Variants in ZNF804B observed in about 807,000 individuals in gnomAD.
The protein encoded by ZNF804B is zinc finger protein 804B, also known as zinc finger 804B.
ZNF804B carries 80 observed loss-of-function variants against 101.4 expected under a neutral mutation model. The ratio of observed to expected loss-of-function variants is 0.79; its 90% CI spans 0.66 to 0.95. ZNF804B has a LOEUF of 0.95. Ranked by LOEUF, ZNF804B falls within the 40% of genes least tolerant of loss-of-function variation. ZNF804B has a pLI of 0.00. For synonymous variants in ZNF804B, 622 were observed against 558.8 expected (o/e 1.11, Z -1.59); for missense variants, 1,673 against 1,561.9 (o/e 1.07, Z -1.20).
intron 1 of ZNF804B, among the ~76,000 whole-genome samples, chr7:89,209,726 A>C (rs1788774345): frequency 6.6e-6 from 1 of 152,210 alleles, no homozygotes; most frequent in South Asian, 2.1e-4. Flanking sequence ...TATGTGTGTA[A>C]GAGAAAAGCA....
At chr7:88,840,068 A>G (rs887357569) in intron 1 of ZNF804B, among the ~76,000 whole-genome samples, 2 of 152,264 alleles carry the variant, frequency 1.3e-5, no homozygotes, top group South Asian at 2.1e-4. Flanking sequence ...AGATAATACT[A>G]TAGAAAAGTA....
chr7:88,927,098 G>A (rs1792816071), intron 1 of ZNF804B, among the ~76,000 whole-genome samples: 1 of 152,036 alleles, frequency 6.6e-6, no homozygotes. Context: ...AGTGTGCCTT[G>A]ATTATGAAAG....
chr7:88,819,078 G>T (rs1790931656), intron 1 of ZNF804B, among the ~76,000 whole-genome samples: 1 of 151,998 alleles, frequency 6.6e-6, no homozygotes, highest in Non-Finnish European at 1.5e-5. Context: ...TTTCTTCACT[G>T]CCCATTGTGA....
intron 1 of ZNF804B, among the ~76,000 whole-genome samples, chr7:88,865,802 A>G (rs1791718036): frequency 6.6e-6 from 1 of 151,840 alleles, no homozygotes; most frequent in Non-Finnish European, 1.5e-5. Context: ...CTACTTTTTT[A>G]TGTCTTTGTA....
At chr7:89,058,701 T>G (rs1048950410) in intron 1 of ZNF804B, among the ~76,000 whole-genome samples, 1 of 152,054 alleles carries the variant, frequency 6.6e-6, no homozygotes, top group African/African-American at 2.4e-5. Flanking sequence ...TTTGTTTGTT[T>G]GTTTGTTTGT....
chr7:89,316,077 A>C (rs927692962), intron 2 of ZNF804B, among the ~76,000 whole-genome samples: 2 of 152,164 alleles, frequency 1.3e-5, no homozygotes, highest in African/African-American at 2.4e-5. Context: ...AAAACTAAGC[A>C]TGTGACTTAA....
intron 1 of ZNF804B, among the ~76,000 whole-genome samples, chr7:88,778,651 T>G (rs1350085645): frequency 6.6e-6 from 1 of 152,182 alleles, no homozygotes; most frequent in Non-Finnish European, 1.5e-5. Flanking sequence ...TTTTCTGTAG[T>G]CCCTCATTAG....
At chr7:89,229,123 C>T (rs924872760) in intron 2 of ZNF804B, among the ~76,000 whole-genome samples, 32 of 152,314 alleles carry the variant, frequency 2.1e-4, no homozygotes, top group African/African-American at 7.2e-4. Flanking sequence ...CACACCTCCC[C>T]GCAAGCTGAG....
At chr7:89,152,413 T>A (rs1047831739) in intron 1 of ZNF804B, among the ~76,000 whole-genome samples, 1 of 152,100 alleles carries the variant, frequency 6.6e-6, no homozygotes, top group African/African-American at 2.4e-5. Flanking sequence ...GTTTAGAAAA[T>A]TTTTCAGCTT....
chr7:89,027,723 A>G (rs1788772031), intron 1 of ZNF804B, among the ~76,000 whole-genome samples: 1 of 152,192 alleles, frequency 6.6e-6, no homozygotes, highest in Non-Finnish European at 1.5e-5. Context: ...AGCTCTTCTC[A>G]GACAATACAA....
In ZNF804B at chr7:89,132,837, G is replaced by A. The variant is rs375323998; in HGVS notation, c.109-85318G>A. Among the ~76,000 whole-genome samples, 226 of 152,066 alleles carry A rather than the reference G, an allele frequency of 1.5e-3. 1 individual carries two copies. The highest frequency in any genetic ancestry group is 5.1e-3 in the African/African-American group (213 of 41,520). On this transcript the variant is annotated intron_variant, in intron 1 of 3. Transcript: ENST00000333190. ...CAATAGACCCTAGGCTCAATGCTTC[G>A]TGTACATTTTCTTCCTTATTCCCAA...
At chr7:89,146,114 A>T (rs2116399307) in intron 1 of ZNF804B, among the ~76,000 whole-genome samples, 1 of 152,212 alleles carries the variant, frequency 6.6e-6, no homozygotes, top group East Asian at 1.9e-4. Context: ...TTACTATGAA[A>T]CATCTGCAAA....
At chr7:89,169,670 C>T (rs542178955) in intron 1 of ZNF804B, among the ~76,000 whole-genome samples, 49 of 152,248 alleles carry the variant, frequency 3.2e-4, no homozygotes, top group African/African-American at 1.1e-3. Context: ...CTGAGCCTTT[C>T]GAAAGCACTG....
chr7:89,171,353 TTCTTCC>T (rs879667448), intron 1 of ZNF804B, among the ~76,000 whole-genome samples: 2,280 of 94,856 alleles, frequency 0.024, 68 homozygotes, highest in South Asian at 0.035. Context: ...CTTCTTCTTC[TTCTTCC>T]TCCTCTTCCT....
chr7:88,922,473 T>A (rs1268542145), intron 1 of ZNF804B, among the ~76,000 whole-genome samples: 1 of 152,038 alleles, frequency 6.6e-6, no homozygotes, highest in Non-Finnish European at 1.5e-5. Flanking sequence ...AAAATTACTT[T>A]AATGAAAGTT....
chr7:89,196,349 G>C (rs996432960), intron 1 of ZNF804B, among the ~76,000 whole-genome samples: 13 of 152,228 alleles, frequency 8.5e-5, no homozygotes. Context: ...TGAGATCTTT[G>C]ACAAACCTGA....
intron 2 of ZNF804B, among the ~76,000 whole-genome samples, chr7:89,319,860 C>G (rs1490981635): frequency 6.6e-6 from 1 of 152,112 alleles, no homozygotes; most frequent in African/African-American, 2.4e-5. Context: ...GCCCAACACT[C>G]GTACTTGAGG....
chr7:89,060,973 TTGTC>T (rs1394258288), intron 1 of ZNF804B, among the ~76,000 whole-genome samples: 3 of 152,150 alleles, frequency 2.0e-5, no homozygotes, highest in Non-Finnish European at 4.4e-5. Flanking sequence ...AAGATTTTGG[TTGTC>T]TGTCCTGGTA....
chr7:88,938,719 G>T (rs1395837204), intron 1 of ZNF804B, among the ~76,000 whole-genome samples: 2 of 151,902 alleles, frequency 1.3e-5, no homozygotes, highest in Non-Finnish European at 2.9e-5. Context: ...AGGAGGAAAA[G>T]TAGAAAGTAC....
Sources: gnomAD v4.1 joint callset for allele counts (sites outside exome capture counted in the v4.1 genomes callset) on GRCh38, gnomAD v4.1.1 for gene constraint, MANE v1.5 for transcripts, NCBI Gene and HGNC (gene_info 2026-07-23, HGNC 2026-07-21) for gene names.